Variants in PDHX observed in about 807,000 individuals in gnomAD.
PDHX encodes the protein pyruvate dehydrogenase protein X component, mitochondrial.
A neutral mutation model predicts 55.3 loss-of-function variants in PDHX; 33 were observed. The observed-to-expected ratio is 0.60, with a 90% CI of 0.45 to 0.80. The LOEUF is 0.80. Ranked by LOEUF, PDHX falls within the 30% of genes least tolerant of loss-of-function variation. PDHX has a pLI of 0.00. For synonymous variants in PDHX, 226 were observed against 219.4 expected, an observed-to-expected ratio of 1.03 and a Z score of -0.27; for missense variants, 622 against 619.9, an observed-to-expected ratio of 1.00 and a Z score of -0.04.
chr11:34,958,678 C>G (rs1459374392), intron 4 of PDHX, among the ~76,000 whole-genome samples: 1 of 152,162 alleles, frequency 6.6e-6, no homozygotes, highest in Non-Finnish European at 1.5e-5. Context: ...TTACTGTCTC[C>G]TCTTTCATTT....
intron 9 of PDHX, among the ~76,000 whole-genome samples, chr11:34,986,126 G>A (rs1016809011): frequency 5.3e-5 from 8 of 152,082 alleles, no homozygotes; most frequent in Non-Finnish European, 7.4e-5. Context: ...CCAACATGGC[G>A]AAACCCCATT....
At chr11:34,993,056 T>C (rs1273609826) in intron 10 of PDHX, among the ~76,000 whole-genome samples, 2 of 152,132 alleles carry the variant, frequency 1.3e-5, no homozygotes, top group Non-Finnish European at 2.9e-5. Flanking sequence ...TGGTACTCTT[T>C]GTAGGAAAAT....
intron 3 of PDHX, among the ~76,000 whole-genome samples, chr11:34,953,209 A>G (rs1428273320): frequency 2.0e-5 from 3 of 152,234 alleles, no homozygotes; most frequent in African/African-American, 7.2e-5. Context: ...AACAAATGGA[A>G]AAATATTCCA....
chr11:34,951,889 G>A (rs1854780129), intron 3 of PDHX, among the ~76,000 whole-genome samples: 3 of 152,104 alleles, frequency 2.0e-5, no homozygotes, highest in Admixed American at 1.3e-4. Flanking sequence ...GTGTAAGGAA[G>A]GGATCCAGTT....
intron 2 of PDHX, among the ~76,000 whole-genome samples, chr11:34,936,363 C>G (rs12288594): frequency 0.19 from 28,753 of 151,934 alleles, 3,891 homozygotes; most frequent in African/African-American, 0.39. Context: ...CCCATAATGA[C>G]TAACATCGTA....
At chr11:34,944,788 T>C (rs1854583010) in intron 2 of PDHX, among the ~76,000 whole-genome samples, 1 of 152,180 alleles carries the variant, frequency 6.6e-6, no homozygotes, top group Non-Finnish European at 1.5e-5. Context: ...TATTCTGTTT[T>C]TGTGTTAGGG....
intron 3 of PDHX, among the ~76,000 whole-genome samples, chr11:34,948,157 A>G (rs572078870): frequency 1.3e-5 from 2 of 152,358 alleles, no homozygotes; most frequent in East Asian, 3.8e-4. Flanking sequence ...ATAGGACAGT[A>G]GGGAAGATTG....
chr11:34,949,292 A>T (rs1017752485), intron 3 of PDHX, among the ~76,000 whole-genome samples: 2 of 130,492 alleles, frequency 1.5e-5, no homozygotes, highest in African/African-American at 7.7e-5. Context: ...CTTGTTGCCC[A>T]GGCTGGACAC....
At chr11:34,961,747 G>A (rs1479369576) in intron 5 of PDHX, among the ~76,000 whole-genome samples, 1 of 152,184 alleles carries the variant, frequency 6.6e-6, no homozygotes, top group East Asian at 1.9e-4. Flanking sequence ...CTGAATGTAT[G>A]TGGTTCTATC....
chr11:34,983,768 TAAAAG>T (rs1380271675), intron 8 of PDHX, among the ~76,000 whole-genome samples: 3 of 152,014 alleles, frequency 2.0e-5, no homozygotes, highest in South Asian at 4.1e-4. Flanking sequence ...CTCGATGAAA[TAAAAG>T]AGAATACAAA....
chr11:34,995,528 A>G lies in PDHX; in HGVS notation c.*356A>G, dbSNP rs996155512. ...GAGAATGTATGATACATGTAAAATT[A>G]AAAAAACTATTAGAACTGTACCATA... On this transcript the variant is annotated 3_prime_UTR_variant, in exon 11 of 11. Coordinates refer to ENST00000227868, the MANE Select transcript of PDHX (RefSeq NM_003477.3). 2.5e-5 allele frequency: 8 copies of G among 316,974 alleles called. No individual in the cohort carries two copies. The highest frequency in any genetic ancestry group is 1.3e-4 in the African/African-American group (6 of 45,692). The allele number at this position is 316,974 out of a possible 1,614,324, so 19.6% of individuals were successfully genotyped here. A position where few individuals can be genotyped will look rare whatever the true frequency, so the allele number is the denominator to read the frequency against.
At chr11:34,976,928 A>G (rs531125193) in intron 7 of PDHX, among the ~76,000 whole-genome samples, 1 of 152,266 alleles carries the variant, frequency 6.6e-6, no homozygotes, top group Non-Finnish European at 1.5e-5. Context: ...ATGAACTGTT[A>G]CATTTGAATT....
chr11:34,989,846 C>T (rs980202556), intron 9 of PDHX, among the ~76,000 whole-genome samples: 2 of 152,184 alleles, frequency 1.3e-5, no homozygotes, highest in African/African-American at 4.8e-5. Context: ...GTCTGATGTT[C>T]ACTGTCCATT....
chr11:34,919,724 T>G (rs755168241), intron 1 of PDHX, among the ~76,000 whole-genome samples: 12 of 152,210 alleles, frequency 7.9e-5, no homozygotes, highest in Admixed American at 3.9e-4. Context: ...CTCAACAGAT[T>G]TATTGAGAAT....
At chr11:34,957,319 G>T in intron 3 of PDHX, 65 bp from the exon 4 acceptor site, 1 of 1,130,300 alleles carries the variant, frequency 8.8e-7, no homozygotes. Context: ...CCCAACAAAA[G>T]AACAAACTAC....
upstream of PDHX, chr11:34,916,308 G>A: frequency 9.3e-6 from 15 of 1,610,376 alleles, no homozygotes; most frequent in Non-Finnish European, 1.3e-5. Flanking sequence ...GACCCGCGCG[G>A]CCTCCAATCT....
intron 2 of PDHX, among the ~76,000 whole-genome samples, chr11:34,946,398 C>T (rs1854620831): frequency 6.6e-6 from 1 of 152,000 alleles, no homozygotes; most frequent in Non-Finnish European, 1.5e-5. Context: ...TAAATTGCTT[C>T]TGAAAAGAAT....
chr11:34,919,248 G>A (rs1400063937), intron 1 of PDHX, among the ~76,000 whole-genome samples: 4 of 151,954 alleles, frequency 2.6e-5, no homozygotes, highest in Non-Finnish European at 1.5e-5. Context: ...CCGAAAACAC[G>A]TGGCAATCCT....
chr11:34,943,523 G>A (rs1032880860), intron 2 of PDHX, among the ~76,000 whole-genome samples: 1 of 152,132 alleles, frequency 6.6e-6, no homozygotes, highest in African/African-American at 2.4e-5. Flanking sequence ...AAATCTTTGA[G>A]GGTGTGCTTT....
Sources: gnomAD v4.1 joint callset for allele counts (sites outside exome capture counted in the v4.1 genomes callset) on GRCh38, gnomAD v4.1.1 for gene constraint, MANE v1.5 for transcripts, NCBI Gene and HGNC (gene_info 2026-07-23, HGNC 2026-07-21) for gene names.